The following PTPRD variants were observed in gnomAD, a reference collection of about 807,000 sequenced individuals.
The protein encoded by PTPRD is receptor-type tyrosine-protein phosphatase delta.
Under a neutral mutation model 214.5 loss-of-function variants are expected in PTPRD, and 34 were observed. The observed-to-expected ratio is 0.16, with a 90% confidence interval of 0.12 to 0.21. PTPRD has a LOEUF of 0.21. PTPRD is among the 10% of genes least tolerant of loss of function. PTPRD has a pLI of 1.00. For synonymous variants in PTPRD, 1,128 were observed against 845.7 expected (o/e 1.33, Z -5.79); for missense variants, 2,545 against 2,398.7 (o/e 1.06, Z -1.27).
chr9:9,752,323 C>T (rs552511243), intron 6 of PTPRD, among the ~76,000 whole-genome samples: 1 of 152,146 alleles, frequency 6.6e-6, no homozygotes, highest in East Asian at 1.9e-4. Context: ...AATTCATTAG[C>T]AGGCTTAAAT....
chr9:9,901,890 A>T (rs1242129208), intron 5 of PTPRD, among the ~76,000 whole-genome samples: 1 of 152,196 alleles, frequency 6.6e-6, no homozygotes, highest in African/African-American at 2.4e-5. Context: ...TCAAAAGACT[A>T]GATCTTGCGA....
chr9:9,227,768 C>A (rs746056896), intron 9 of PTPRD, among the ~76,000 whole-genome samples: 5 of 152,080 alleles, frequency 3.3e-5, no homozygotes, highest in Non-Finnish European at 7.4e-5. Context: ...ACACATCCTG[C>A]CCATAGCCAT....
chr9:8,655,966 G>A (rs538836677), intron 12 of PTPRD, among the ~76,000 whole-genome samples: 28 of 152,186 alleles, frequency 1.8e-4, no homozygotes, highest in South Asian at 6.2e-4. Context: ...AGAAAGTCCT[G>A]TTCAAAGAAT....
chr9:8,682,496 C>A (rs1016414907), intron 12 of PTPRD, among the ~76,000 whole-genome samples: 4 of 151,116 alleles, frequency 2.6e-5, no homozygotes, highest in Admixed American at 1.3e-4. Context: ...CCCTGTGGTA[C>A]ACAACATATA....
intron 2 of PTPRD, among the ~76,000 whole-genome samples, chr9:10,496,085 A>G (rs2041949161): frequency 6.6e-6 from 1 of 151,820 alleles, no homozygotes; most frequent in Non-Finnish European, 1.5e-5. Context: ...TACTATTTCA[A>G]TATGTAGAAA....
intron 8 of PTPRD, among the ~76,000 whole-genome samples, chr9:9,451,789 T>A (rs1283992434): frequency 6.6e-6 from 1 of 151,318 alleles, no homozygotes; most frequent in East Asian, 1.9e-4. Flanking sequence ...AAATAAAAAA[T>A]ACAAAAATTA....
chr9:10,449,660 A>C (rs1167073892), intron 2 of PTPRD, among the ~76,000 whole-genome samples: 1 of 151,164 alleles, frequency 6.6e-6, no homozygotes, highest in African/African-American at 2.4e-5. Flanking sequence ...CCCGTCTGGG[A>C]TGTGAGGAGC....
chr9:9,782,110 C>T (rs557907475), intron 5 of PTPRD, among the ~76,000 whole-genome samples: 1 of 151,944 alleles, frequency 6.6e-6, no homozygotes, highest in Admixed American at 6.6e-5. Flanking sequence ...AATTTTGATA[C>T]CTTTCTCCAG....
At chr9:10,442,960 C>T (rs1222808218) in intron 2 of PTPRD, among the ~76,000 whole-genome samples, 2 of 151,300 alleles carry the variant, frequency 1.3e-5, no homozygotes, top group South Asian at 2.1e-4. Context: ...TGTATTCACA[C>T]ATGTCTGTTT....
chr9:9,569,198 C>A (rs967112468), intron 8 of PTPRD, among the ~76,000 whole-genome samples: 2 of 151,292 alleles, frequency 1.3e-5, no homozygotes, highest in Non-Finnish European at 3.0e-5. Context: ...AGATGATACG[C>A]TAGTCATTTG....
chr9:9,375,206 G>A (rs1401109495), intron 9 of PTPRD, among the ~76,000 whole-genome samples: 1 of 152,148 alleles, frequency 6.6e-6, no homozygotes, highest in Non-Finnish European at 1.5e-5. Context: ...AATGTTCACA[G>A]CAGCATTATT....
At position 10,473,504 on chromosome 9, in the gene PTPRD, T is replaced by C. The variant is rs1588981159; in HGVS notation, c.-599-132487A>G. ...TAAAAACTAATGAACAAGACTGAGC[T>C]TGCACATGCGTGAGTGTGAGTGTGT... On this transcript the variant is annotated intron_variant, in intron 2 of 45. Transcript: ENST00000381196. 2.0e-5 allele frequency among the ~76,000 whole-genome samples: 3 copies of C among 152,100 alleles called. No homozygotes were observed. The East Asian group carries it at 5.8e-4, about 29-fold the overall frequency.
chr9:8,617,327 G>A (rs79180918), intron 14 of PTPRD, among the ~76,000 whole-genome samples: 6 of 152,090 alleles, frequency 3.9e-5, no homozygotes, highest in Non-Finnish European at 7.4e-5. Flanking sequence ...CCCATATTAT[G>A]ATCTGAGAGG....
intron 2 of PTPRD, among the ~76,000 whole-genome samples, chr9:10,541,795 T>C (rs1161371892): frequency 6.6e-6 from 1 of 152,024 alleles, no homozygotes; most frequent in Non-Finnish European, 1.5e-5. Flanking sequence ...ATGTAGCCTA[T>C]TGCATGCAAC....
intron 7 of PTPRD, among the ~76,000 whole-genome samples, chr9:9,616,977 GCTAA>G (rs1022174123): frequency 2.6e-5 from 4 of 152,132 alleles, no homozygotes; most frequent in East Asian, 3.9e-4. Context: ...TACTCTGTGG[GCTAA>G]CTCTTAAAAT....
chr9:8,790,757 T>G (rs939213864), intron 11 of PTPRD, among the ~76,000 whole-genome samples: 8 of 138,760 alleles, frequency 5.8e-5, no homozygotes, highest in Admixed American at 2.9e-4. Context: ...TTGCTTAGTA[T>G]GTAGGGAAAG....
intron 5 of PTPRD, among the ~76,000 whole-genome samples, chr9:9,848,790 T>C (rs567250862): frequency 6.6e-6 from 1 of 152,272 alleles, no homozygotes; most frequent in African/African-American, 2.4e-5. Flanking sequence ...TACAGCCTCA[T>C]TTCCCTTTCT....
chr9:8,398,486 C>T lies in PTPRD; in HGVS notation c.4210+6051G>A, dbSNP rs139209360. 5.8e-3 allele frequency among the ~76,000 whole-genome samples: 882 copies of T among 152,094 alleles called. 6 individuals are homozygous for T. The highest frequency in any genetic ancestry group is 9.6e-3 in the Non-Finnish European group (653 of 67,980). On this transcript the variant is annotated intron_variant, in intron 36 of 45. Coordinates refer to ENST00000381196, the MANE Select transcript of PTPRD (RefSeq NM_002839.4). ...TGTTTTGGAACTTTAAATATATGAC[C>T]CTTTCTGTAAGAAAAAAATAACACA... is the stretch of plus-strand genomic sequence containing the variant.
chr9:9,380,735 C>T (rs888107795), intron 9 of PTPRD, among the ~76,000 whole-genome samples: 2 of 151,974 alleles, frequency 1.3e-5, no homozygotes, highest in Non-Finnish European at 2.9e-5. Flanking sequence ...ATGTACTTGC[C>T]GTTTTTCTAC....
Sources: allele counts gnomAD v4.1 joint callset (sites outside exome capture counted in the v4.1 genomes callset), GRCh38; gene constraint gnomAD v4.1.1; transcripts MANE v1.5; gene names NCBI Gene and HGNC (gene_info 2026-07-23, HGNC 2026-07-21).